Variants in CSMD1 observed in about 807,000 individuals in gnomAD.
CSMD1 encodes the protein CUB and sushi domain-containing protein 1.
Under a neutral mutation model 417.5 loss-of-function variants are expected in CSMD1, and 213 were observed. The observed-to-expected ratio is 0.51, with a 90% CI of 0.46 to 0.57. CSMD1 has a LOEUF of 0.57. Ranked by LOEUF, CSMD1 falls within the 20% of genes least tolerant of loss-of-function variation. CSMD1 has a pLI of 0.00. For missense variants in CSMD1, 6,923 were observed against 4,529.7 expected, an observed-to-expected ratio of 1.53 and a Z score of -15.17; for synonymous variants, 2,862 against 1,736.8, an observed-to-expected ratio of 1.65 and a Z score of -16.11.
rs1168364707 is a variant in CSMD1, at chr8:3,096,825, T to G, written c.7138+24A>C. The stretch of plus-strand genomic sequence containing the variant: ...TTATCAATGATGCCGAGGTCACTGC[T>G]CTACAAAGATTAAAGAAACTTACCA... On this transcript the variant is annotated intron_variant, in intron 47 of 69. Transcript: ENST00000635120. 4.8e-6 allele frequency: 7 copies of G among 1,470,014 alleles called. No individual in the cohort carries two copies. The East Asian group carries it at 1.7e-4, about 36-fold the overall frequency. The allele number at this position is 1,470,014 out of a possible 1,614,324, so 91.1% of individuals were successfully genotyped here.
intron 33 of CSMD1, among the ~76,000 whole-genome samples, chr8:3,195,558 C>T (rs987231662): frequency 2.0e-5 from 3 of 152,076 alleles, no homozygotes; most frequent in Non-Finnish European, 2.9e-5. Context: ...TGTTGATTTT[C>T]GGTGTAATAT....
intron 6 of CSMD1, among the ~76,000 whole-genome samples, chr8:3,711,217 G>C (rs1021529372): frequency 6.6e-6 from 1 of 152,150 alleles, no homozygotes; most frequent in Non-Finnish European, 1.5e-5. Context: ...GTGTAGCTTA[G>C]CAATGAAGAA....
intron 11 of CSMD1, among the ~76,000 whole-genome samples, chr8:3,478,996 C>G (rs1168720123): frequency 6.6e-6 from 1 of 152,002 alleles, no homozygotes; most frequent in Non-Finnish European, 1.5e-5. Flanking sequence ...CATCGCCTCA[C>G]CAACATCTCC....
intron 5 of CSMD1, among the ~76,000 whole-genome samples, chr8:3,983,275 C>T (rs1407214062): frequency 1.3e-5 from 2 of 151,938 alleles, no homozygotes; most frequent in African/African-American, 4.8e-5. Flanking sequence ...GGACTACAGG[C>T]GCCCACCACC....
At chr8:3,515,453 G>C (rs1797245769) in intron 10 of CSMD1, 2 of 152,158 alleles carry the variant, frequency 1.3e-5, no homozygotes, top group Non-Finnish European at 2.9e-5. Flanking sequence ...AGATTTGCAA[G>C]AGAGGAATAC....
At chr8:4,814,453 GC>G (rs1447302426) in intron 1 of CSMD1, among the ~76,000 whole-genome samples, 2 of 152,146 alleles carry the variant, frequency 1.3e-5, no homozygotes, top group African/African-American at 4.8e-5. Context: ...CACCATGTTG[GC>G]CAAGGTGATC....
chr8:4,507,851 A>C (rs1263703477), intron 2 of CSMD1, among the ~76,000 whole-genome samples: 1 of 152,144 alleles, frequency 6.6e-6, no homozygotes, highest in Admixed American at 6.5e-5. Flanking sequence ...CTGAAGGAAA[A>C]ATTATACACT....
intron 1 of CSMD1, among the ~76,000 whole-genome samples, chr8:4,744,759 C>G (rs544919686): frequency 6.6e-6 from 1 of 152,048 alleles, no homozygotes; most frequent in Non-Finnish European, 1.5e-5. Context: ...AGCTAGGGTT[C>G]TTGTTCACTG....
At chr8:3,317,410 A>G (rs1226726795) in intron 23 of CSMD1, among the ~76,000 whole-genome samples, 1 of 152,228 alleles carries the variant, frequency 6.6e-6, no homozygotes, top group Admixed American at 6.5e-5. Context: ...AGACAGTATG[A>G]GTCAACATTG....
intron 26 of CSMD1, among the ~76,000 whole-genome samples, chr8:3,252,192 G>A (rs1396431959): frequency 1.3e-5 from 2 of 152,176 alleles, no homozygotes; most frequent in Non-Finnish European, 2.9e-5. Flanking sequence ...GATATTGGCT[G>A]TGGGTTTGTC....
At chr8:3,586,434 G>T (rs764265609) in intron 8 of CSMD1, among the ~76,000 whole-genome samples, 174 bp from the exon 9 acceptor site, 2 of 152,134 alleles carry the variant, frequency 1.3e-5, no homozygotes, top group Admixed American at 6.5e-5. Context: ...TTTAGCAAAG[G>T]TTATAAAATC....
intron 1 of CSMD1, among the ~76,000 whole-genome samples, chr8:4,962,908 C>T (rs1337705940): frequency 6.6e-6 from 1 of 152,174 alleles, no homozygotes; most frequent in Non-Finnish European, 1.5e-5. Flanking sequence ...TCTATCTCCA[C>T]TTTTCTGGTA....
At chr8:4,187,475 C>A (rs913209046) in intron 3 of CSMD1, among the ~76,000 whole-genome samples, 2 of 151,992 alleles carry the variant, frequency 1.3e-5, no homozygotes, top group African/African-American at 4.8e-5. Flanking sequence ...GAAACCCCGT[C>A]GCTACTAAAA....
chr8:3,643,485 A>G (rs141746440), intron 7 of CSMD1, among the ~76,000 whole-genome samples: 14,230 of 151,794 alleles, frequency 0.094, 743 homozygotes, highest in Non-Finnish European at 0.11. Flanking sequence ...GGCGGATCAC[A>G]AGGTCAGGAG....
intron 2 of CSMD1, among the ~76,000 whole-genome samples, chr8:4,462,821 A>G (rs1462854447): frequency 1.3e-5 from 2 of 152,206 alleles, no homozygotes; most frequent in East Asian, 1.9e-4. Flanking sequence ...AAAAAAATTG[A>G]TAAATCATAG....
intron 1 of CSMD1, among the ~76,000 whole-genome samples, chr8:4,902,831 A>T (rs1021977763): frequency 6.6e-6 from 1 of 151,962 alleles, no homozygotes; most frequent in Middle Eastern, 3.2e-3. Context: ...ATATACATAC[A>T]TACACATATT....
chr8:3,306,994 A>T (rs1218001830), intron 25 of CSMD1, among the ~76,000 whole-genome samples: 1 of 151,558 alleles, frequency 6.6e-6, no homozygotes, highest in African/African-American at 2.4e-5. Context: ...GTGTTACTTT[A>T]GAGTACTTTC....
At chr8:4,735,121 G>C (rs1436275308) in intron 1 of CSMD1, among the ~76,000 whole-genome samples, 3 of 152,172 alleles carry the variant, frequency 2.0e-5, no homozygotes, top group Non-Finnish European at 4.4e-5. Flanking sequence ...AAGGTATTTT[G>C]GAGCTGGTAT....
At chr8:4,176,524 C>T (rs1460019048) in intron 3 of CSMD1, among the ~76,000 whole-genome samples, 1 of 152,088 alleles carries the variant, frequency 6.6e-6, no homozygotes, top group African/African-American at 2.4e-5. Context: ...TGTGACATAT[C>T]AATCACCATT....
Sources: allele counts gnomAD v4.1 joint callset (sites outside exome capture counted in the v4.1 genomes callset), GRCh38; gene constraint gnomAD v4.1.1; transcripts MANE v1.5; gene names NCBI Gene and HGNC (gene_info 2026-07-23, HGNC 2026-07-21).